PDE11A: variants seen among roughly 807,000 people sequenced by gnomAD.
The protein encoded by PDE11A is dual 3',5'-cyclic-AMP and -GMP phosphodiesterase 11A.
A neutral mutation model predicts 100.5 loss-of-function variants in PDE11A; 100 were observed. That is an observed-to-expected ratio of 1.00 (90% CI 0.85 to 1.18). The LOEUF is 1.18. Among genes scored for constraint, PDE11A ranks in the 50% most tolerant of loss-of-function variants. The pLI is 0.00. For missense variants in PDE11A, 1,141 were observed against 1,152.6 expected (o/e 0.99, Z 0.15); for synonymous variants, 381 against 420.8 (o/e 0.91, Z 1.16).
At chr2:177,741,125 A>T (rs2081865677) in intron 10 of PDE11A, among the ~76,000 whole-genome samples, 1 of 152,204 alleles carries the variant, frequency 6.6e-6, no homozygotes, top group African/African-American at 2.4e-5. Flanking sequence ...AAAATACCAC[A>T]AATTGGGTGG....
intron 9 of PDE11A, among the ~76,000 whole-genome samples, chr2:177,811,771 T>G (rs888807703): frequency 1.3e-5 from 2 of 152,100 alleles, no homozygotes; most frequent in Non-Finnish European, 2.9e-5. Context: ...TGCAGATACA[T>G]GTATAGTAAC....
intron 9 of PDE11A, among the ~76,000 whole-genome samples, chr2:177,802,190 T>A (rs1364858634): frequency 6.6e-6 from 1 of 152,092 alleles, no homozygotes; most frequent in African/African-American, 2.4e-5. Context: ...TGACTAAAAT[T>A]AAAATCAATG....
In PDE11A at chr2:177,978,966, T is replaced by C. The variant is rs865929180; in HGVS notation, c.1071+35336A>G. Reference sequence around the variant, plus strand: ...GGGGGAGGGATAGCATTGGGAGATATACCTAATGCTAGATGACACATTAGT... The same window carrying C: ...GGGGGAGGGATAGCATTGGGAGATACACCTAATGCTAGATGACACATTAGT... On this transcript the variant is annotated intron_variant, in intron 2 of 19. Coordinates refer to ENST00000286063, the MANE Select transcript of PDE11A (RefSeq NM_016953.4). Among the ~76,000 whole-genome samples, 409 of 129,104 alleles carry C rather than the reference T, an allele frequency of 3.2e-3. 1 individual carries two copies. The highest frequency in any genetic ancestry group is 0.011 in the African/African-American group (391 of 35,082). 84.7% of individuals were successfully genotyped at this position (129,104 alleles called of 152,430 possible).
rs558174761 is a variant in PDE11A at position 178,062,505 on chromosome 2, A to G, written c.912+9021T>C. ...GAGGGAATTAGAGCTTCACTTTTCC[A>G]GAGGACTTTATTCAGAAAAGAACAA... On this transcript the variant is annotated intron_variant, in intron 1 of 19. Transcript: ENST00000286063. Among the ~76,000 whole-genome samples the G allele has an allele frequency of 8.5e-5, 13 of 152,282 alleles. 1 individual carries two copies. In the South Asian group the frequency reaches 2.7e-3, roughly 32 times the overall value.
At chr2:177,801,993 A>G (rs2082801613) in intron 9 of PDE11A, among the ~76,000 whole-genome samples, 1 of 50,612 alleles carries the variant, frequency 2.0e-5, no homozygotes, top group African/African-American at 5.7e-5. Flanking sequence ...TCCAGGATGT[A>G]TAAAGAACTC....
At chr2:177,785,046 A>G (rs1334807364) in intron 9 of PDE11A, among the ~76,000 whole-genome samples, 1 of 152,184 alleles carries the variant, frequency 6.6e-6, no homozygotes, top group Non-Finnish European at 1.5e-5. Flanking sequence ...TGTGCCAACA[A>G]TGGGGGGCCA....
chr2:177,728,322 G>A (rs2081633733), intron 10 of PDE11A, 150 bp from the exon 11 acceptor site: 2 of 473,438 alleles, frequency 4.2e-6, no homozygotes, highest in African/African-American at 4.4e-5. Context: ...AGCTGTAAAT[G>A]TCTTTTGTTT....
chr2:177,794,529 C>G (rs1212395690), intron 9 of PDE11A, among the ~76,000 whole-genome samples: 1 of 152,122 alleles, frequency 6.6e-6, no homozygotes, highest in Non-Finnish European at 1.5e-5. Context: ...GCCCAGTATA[C>G]TTGCTAAATT....
chr2:177,653,005 A>C (rs1241392267), intron 19 of PDE11A, among the ~76,000 whole-genome samples: 1 of 152,210 alleles, frequency 6.6e-6, no homozygotes, highest in Non-Finnish European at 1.5e-5. Flanking sequence ...GGCAGAGTAC[A>C]AAGTGGACCA....
intron 2 of PDE11A, among the ~76,000 whole-genome samples, chr2:177,992,435 T>C (rs1201433526): frequency 7.0e-6 from 1 of 143,762 alleles, no homozygotes; most frequent in Non-Finnish European, 1.5e-5. Flanking sequence ...TCTATGTATA[T>C]AGATGGTAAA....
At chr2:177,807,415 A>ATTATT (rs150217510) in intron 9 of PDE11A, among the ~76,000 whole-genome samples, 16,846 of 151,510 alleles carry the variant, frequency 0.11, 1,074 homozygotes, top group African/African-American at 0.19. Context: ...TTTTGTTTTT[A>ATTATT]TTATTTTATT....
chr2:178,037,481 G>A (rs914686407), intron 1 of PDE11A, among the ~76,000 whole-genome samples: 2 of 152,144 alleles, frequency 1.3e-5, no homozygotes, highest in African/African-American at 4.8e-5. Flanking sequence ...CAAGGATCTA[G>A]AACCAGAAAT....
intron 10 of PDE11A, among the ~76,000 whole-genome samples, chr2:177,751,549 G>A (rs955429321): frequency 1.3e-5 from 2 of 152,132 alleles, no homozygotes; most frequent in African/African-American, 4.8e-5. Context: ...GTGGGAGCTG[G>A]GGAAGAAGCC....
At chr2:177,761,476 AG>A (rs1200318348) in intron 10 of PDE11A, among the ~76,000 whole-genome samples, 1 of 152,364 alleles carries the variant, frequency 6.6e-6, no homozygotes, top group East Asian at 1.9e-4. Flanking sequence ...GCATGGCTTT[AG>A]GTGATATAAG....
intron 9 of PDE11A, among the ~76,000 whole-genome samples, chr2:177,792,490 T>G (rs573737334): frequency 6.6e-6 from 1 of 152,322 alleles, no homozygotes; most frequent in South Asian, 2.1e-4. Flanking sequence ...AGGATTACCA[T>G]TATGCTTTGA....
At chr2:177,889,789 A>G (rs77765057) in intron 4 of PDE11A, among the ~76,000 whole-genome samples, 10 of 151,480 alleles carry the variant, frequency 6.6e-5, no homozygotes, top group African/African-American at 2.4e-4. Flanking sequence ...AAGCTTTTGT[A>G]TCTCTTTCTT....
intron 2 of PDE11A, among the ~76,000 whole-genome samples, chr2:178,091,252 G>A (rs2087418993): frequency 6.6e-6 from 1 of 151,902 alleles, no homozygotes; most frequent in African/African-American, 2.4e-5. Flanking sequence ...TGTATTTTTT[G>A]CAGAGATAGG....
chr2:177,946,078 GCCGCC>G (rs1254994257), intron 2 of PDE11A, among the ~76,000 whole-genome samples: 1 of 125,582 alleles, frequency 8.0e-6, no homozygotes. Flanking sequence ...CGCCTGGCCA[GCCGCC>G]CCGTCCGGGA....
At chr2:177,841,059 A>G (rs2105625070) in intron 5 of PDE11A, among the ~76,000 whole-genome samples, 1 of 152,358 alleles carries the variant, frequency 6.6e-6, no homozygotes, top group East Asian at 1.9e-4. Flanking sequence ...ATTAATAATT[A>G]AAACTATTTT....
Sources: gnomAD v4.1 joint callset for allele counts (sites outside exome capture counted in the v4.1 genomes callset) on GRCh38, gnomAD v4.1.1 for gene constraint, MANE v1.5 for transcripts, NCBI Gene and HGNC (gene_info 2026-07-23, HGNC 2026-07-21) for gene names.